Variants in MGAT4C observed in about 807,000 individuals in gnomAD.
MGAT4C encodes alpha-1,3-mannosyl-glycoprotein 4-beta-N-acetylglucosaminyltransferase C.
A neutral mutation model predicts 40.1 loss-of-function variants in MGAT4C; 19 were observed. The ratio of observed to expected loss-of-function variants is 0.47; its 90% CI spans 0.33 to 0.70. The LOEUF is 0.70. Ranked by LOEUF, MGAT4C falls within the 30% of genes least tolerant of loss-of-function variation. The pLI is 0.02. For missense variants in MGAT4C, 491 were observed against 563.2 expected, an observed-to-expected ratio of 0.87 and a Z score of 1.30; for synonymous variants, 181 against 187.1, an observed-to-expected ratio of 0.97 and a Z score of 0.27.
chr12:86,326,296 TCACACACACA>T lies in MGAT4C; in HGVS notation c.-57+7759_-57+7768del, dbSNP rs3047013. Among the ~76,000 whole-genome samples the T allele has an allele frequency of 7.5e-4, 106 of 140,842 alleles. 1 individual carries two copies. The highest frequency in any genetic ancestry group is 3.5e-3 in the South Asian group (15 of 4,322). 92.4% of individuals were successfully genotyped at this position (140,842 alleles called of 152,430 possible). A position where few individuals can be genotyped will look rare whatever the true frequency, so the allele number is the denominator to read the frequency against. On this transcript the variant is annotated intron_variant, in intron 4 of 7. Coordinates refer to the MGAT4C transcript ENST00000548651. ...AGAGGGTAGATCTGCAGTATTCTCA[TCACACACACA>T]CACACACACACACACACACACACAC...
intron 2 of MGAT4C, among the ~76,000 whole-genome samples, chr12:86,516,862 T>C (rs1592942665): frequency 6.6e-6 from 1 of 152,074 alleles, no homozygotes; most frequent in East Asian, 1.9e-4. Flanking sequence ...AGCTTAAAAA[T>C]CAAAGACGTA....
intron 2 of MGAT4C, among the ~76,000 whole-genome samples, chr12:86,681,590 T>C (rs1450850672): frequency 2.0e-5 from 3 of 151,878 alleles, no homozygotes; most frequent in Non-Finnish European, 4.4e-5. Flanking sequence ...AAAAAAAGAA[T>C]AGGAAATTTT....
intron 2 of MGAT4C, among the ~76,000 whole-genome samples, chr12:86,593,566 T>G (rs531499702): frequency 6.6e-6 from 1 of 152,282 alleles, no homozygotes; most frequent in African/African-American, 2.4e-5. Flanking sequence ...TGGTATGATG[T>G]GACTTCATTT....
chr12:86,563,434 A>G (rs1959958549), intron 2 of MGAT4C, among the ~76,000 whole-genome samples: 1 of 152,216 alleles, frequency 6.6e-6, no homozygotes, highest in African/African-American at 2.4e-5. Context: ...GAATTTGTAT[A>G]AGCAGAAAAA....
intron 1 of MGAT4C, among the ~76,000 whole-genome samples, chr12:86,224,104 A>G (rs1771337411): frequency 1.3e-5 from 2 of 152,234 alleles, no homozygotes; most frequent in East Asian, 1.9e-4. Context: ...ACCCACTAAC[A>G]CTACGGATCC....
rs374301939 is a variant in MGAT4C at position 86,122,486 on chromosome 12, A to G, written c.-56-72763T>C. Among the ~76,000 whole-genome samples, 12 of 152,286 alleles carry G rather than the reference A, an allele frequency of 7.9e-5. No homozygotes were observed. The South Asian group carries it at 1.0e-3, about 13-fold the overall frequency. On this transcript the variant is annotated intron_variant, in intron 1 of 4. Coordinates refer to ENST00000611864, the MANE Select transcript of MGAT4C (RefSeq NM_001351288.2). ...ATTATAATTGTAGTGCTTAAAATTT[A>G]TATGACACTTTTCATCTTATCTAAG...
chr12:86,329,447 G>A (rs1206420375), intron 4 of MGAT4C, among the ~76,000 whole-genome samples: 1 of 152,088 alleles, frequency 6.6e-6, no homozygotes, highest in African/African-American at 2.4e-5. Flanking sequence ...ATCCATAGCA[G>A]CTGTCAAACA....
At chr12:86,247,108 T>A (rs1033926836) in intron 1 of MGAT4C, among the ~76,000 whole-genome samples, 1 of 152,196 alleles carries the variant, frequency 6.6e-6, no homozygotes. Flanking sequence ...GGATACAATA[T>A]TTTTTATTAT....
At chr12:86,510,539 G>T (rs1176051140) in intron 2 of MGAT4C, among the ~76,000 whole-genome samples, 1 of 152,132 alleles carries the variant, frequency 6.6e-6, no homozygotes, top group African/African-American at 2.4e-5. Context: ...AAAAGACACA[G>T]ACTGGCAAAT....
chr12:86,748,835 T>C (rs1163405131), intron 1 of MGAT4C, among the ~76,000 whole-genome samples: 2 of 151,568 alleles, frequency 1.3e-5, no homozygotes, highest in Admixed American at 1.3e-4. Flanking sequence ...AGTATATTAG[T>C]AGGTAATTCA....
intron 2 of MGAT4C, among the ~76,000 whole-genome samples, chr12:86,526,353 A>G (rs1456918279): frequency 6.6e-6 from 1 of 152,100 alleles, no homozygotes; most frequent in African/African-American, 2.4e-5. Flanking sequence ...GCGTGCATGT[A>G]CACATGCACA....
chr12:86,715,118 G>A (rs1030416635), intron 2 of MGAT4C, among the ~76,000 whole-genome samples: 9 of 151,960 alleles, frequency 5.9e-5, no homozygotes, highest in African/African-American at 2.2e-4. Context: ...TTAAAAGTGG[G>A]TAATGATATA....
intron 3 of MGAT4C, among the ~76,000 whole-genome samples, chr12:86,390,271 A>T (rs1592779302): frequency 6.6e-6 from 1 of 152,316 alleles, no homozygotes; most frequent in South Asian, 2.1e-4. Context: ...ATAAATACAC[A>T]TATGAGTTTC....
chr12:86,631,155 T>C (rs1963024651), intron 2 of MGAT4C, among the ~76,000 whole-genome samples: 1 of 152,066 alleles, frequency 6.6e-6, no homozygotes, highest in Admixed American at 6.6e-5. Context: ...CCATTCACAA[T>C]TGCTACAAAG....
chr12:86,673,202 G>A (rs1323497091), intron 2 of MGAT4C, among the ~76,000 whole-genome samples: 1 of 152,122 alleles, frequency 6.6e-6, no homozygotes, highest in African/African-American at 2.4e-5. Flanking sequence ...ACAAATCAGA[G>A]TTTTGCTATT....
At chr12:86,335,740 C>T (rs932120848) in intron 3 of MGAT4C, among the ~76,000 whole-genome samples, 2 of 152,142 alleles carry the variant, frequency 1.3e-5, no homozygotes, top group Non-Finnish European at 2.9e-5. Context: ...ACTAGAATTT[C>T]TATACATCTC....
At chr12:86,723,482 C>T (rs1406132358) in intron 2 of MGAT4C, among the ~76,000 whole-genome samples, 3 of 152,118 alleles carry the variant, frequency 2.0e-5, no homozygotes, top group Non-Finnish European at 4.4e-5. Context: ...TTGGCAGCCT[C>T]GGGGGCTCTT....
chr12:86,349,228 T>C (rs758219555), intron 3 of MGAT4C, among the ~76,000 whole-genome samples: 5 of 152,162 alleles, frequency 3.3e-5, no homozygotes, highest in Non-Finnish European at 5.9e-5. Context: ...AGACCAACAC[T>C]ATGAATTTAT....
chr12:86,232,186 T>C (rs1385748249), intron 1 of MGAT4C, among the ~76,000 whole-genome samples: 1 of 151,972 alleles, frequency 6.6e-6, no homozygotes, highest in African/African-American at 2.4e-5. Flanking sequence ...AGTAACTTAC[T>C]AAAGATTTCC....
Sources: allele counts gnomAD v4.1 joint callset (sites outside exome capture counted in the v4.1 genomes callset), GRCh38; gene constraint gnomAD v4.1.1; transcripts MANE v1.5; gene names NCBI Gene and HGNC (gene_info 2026-07-23, HGNC 2026-07-21).